ERLEC1: variants seen among roughly 807,000 people sequenced by gnomAD.
The protein encoded by ERLEC1 is ER lectin.
A neutral mutation model predicts 68.0 loss-of-function variants in ERLEC1; 47 were observed. The ratio of observed to expected loss-of-function variants is 0.69; its 90% confidence interval spans 0.55 to 0.88. The LOEUF (loss-of-function observed/expected upper bound fraction) is 0.88. Among genes scored for constraint, ERLEC1 ranks in the 40% least tolerant of loss-of-function variants. The pLI is 0.00. For synonymous variants in ERLEC1, 225 were observed against 203.2 expected (o/e 1.11, Z -0.91); for missense variants, 567 against 583.8 (o/e 0.97, Z 0.30).
intron 3 of ERLEC1, 150 bp from the exon 4 acceptor site, chr2:53,797,365 T>C: frequency 3.5e-6 from 2 of 576,554 alleles, no homozygotes; most frequent in Non-Finnish European, 6.0e-6. Context: ...CTTCAGAAAT[T>C]TCACATTTTT....
Position 53,818,539 on chromosome 2 carries a change from CAAG to C in ERLEC1, c.*573_*575del, listed in dbSNP as rs1418116525. On this transcript the variant is annotated 3_prime_UTR_variant, in exon 14 of 14. Transcript: ENST00000185150. The stretch of plus-strand genomic sequence containing the variant: ...GAGTTGTCCTCACCCTTGTTAATCT[CAAG>C]AAACTCTTATTTATAATAGGTTGCT... 2 of 152,196 alleles carry C rather than the reference CAAG, an allele frequency of 1.3e-5. No homozygotes were observed. The highest frequency in any genetic ancestry group is 2.9e-5 in the Non-Finnish European group (2 of 68,038). The allele number at this position is 152,196 out of a possible 1,614,324, so 9.4% of individuals were successfully genotyped here. A position where few individuals can be genotyped will look rare whatever the true frequency, so the allele number is the denominator to read the frequency against.
Position 53,817,883 on chromosome 2 carries a change from G to A in ERLEC1, c.1381-15G>A. 2 of 1,581,184 alleles carry A rather than the reference G, an allele frequency of 1.3e-6. No individual in the cohort carries two copies. The highest frequency in any genetic ancestry group is 8.7e-7 in the Non-Finnish European group (1 of 1,150,790). ...AGCTTAGCAACTTTTTAATGGCTTTGTTGTTCTTCTTTAGGTTGAATCTCC... is the reference window on the plus strand; with the variant it reads ...AGCTTAGCAACTTTTTAATGGCTTTATTGTTCTTCTTTAGGTTGAATCTCC... On this transcript the variant is annotated splice_polypyrimidine_tract_variant and intron_variant, in intron 13 of 13. Coordinates refer to ENST00000185150, the MANE Select transcript of ERLEC1 (RefSeq NM_015701.5).
In ERLEC1 at chr2:53,815,815, A is replaced by C. The variant is rs188394630; in HGVS notation, c.1380+880A>C. On this transcript the variant is annotated intron_variant, in intron 13 of 13. Transcript: ENST00000185150. The stretch of plus-strand genomic sequence containing the variant: ...ACTTTGTTACATCCATAGAATATGT[A>C]GTGATCCAGTCAGGGTATTCAGAAT... Among the ~76,000 whole-genome samples the C allele has an allele frequency of 7.3e-3, 1,117 of 152,254 alleles. 17 individuals are homozygous for C. Among genetic ancestry groups the C allele is most frequent in the African/African-American group, 0.026 (1,071 of 41,542 alleles).
chr2:53,799,920 A>T (rs1675917850), intron 6 of ERLEC1, among the ~76,000 whole-genome samples: 1 of 152,156 alleles, frequency 6.6e-6, no homozygotes, highest in Admixed American at 6.5e-5. Context: ...TCTGAAAGAC[A>T]GCAAAAGATG....
chr2:53,814,838 C>G (rs763113255), intron 12 of ERLEC1, 22 bp from the exon 13 acceptor site: 2 of 1,570,326 alleles, frequency 1.3e-6, no homozygotes, highest in Non-Finnish European at 1.7e-6. Flanking sequence ...TGGACAGTAC[C>G]TTAAAGTGCT....
chr2:53,787,125 G>GCCACCA lies in ERLEC1; in HGVS notation c.-84_-83insACCACC. On this transcript the variant is annotated 5_prime_UTR_variant, in exon 1 of 14. Coordinates refer to ENST00000185150, the MANE Select transcript of ERLEC1 (RefSeq NM_015701.5). ...TACCCGGGCGCTTTATAGTCCCGCC[G>GCCACCA]CCTCCTCCTCCACCTCCTCCTCCTC... is the stretch of plus-strand genomic sequence containing the variant. 1 of 661,226 alleles carries GCCACCA rather than the reference G, an allele frequency of 1.5e-6. No homozygotes were observed. The highest frequency in any genetic ancestry group is 2.2e-6 in the Non-Finnish European group (1 of 453,728). The allele number at this position is 661,226 out of a possible 1,614,324, so 41.0% of individuals were successfully genotyped here. A position where few individuals can be genotyped will look rare whatever the true frequency, so the allele number is the denominator to read the frequency against.
chr2:53,799,150 C>G, intron 6 of ERLEC1, 69 bp downstream of exon 6: 1 of 1,296,640 alleles, frequency 7.7e-7, no homozygotes, highest in Non-Finnish European at 1.1e-6. Context: ...TTATATAACC[C>G]AAGTGACAGA....
At chr2:53,810,804 T>G (rs561348723) in intron 10 of ERLEC1, among the ~76,000 whole-genome samples, 2 of 152,340 alleles carry the variant, frequency 1.3e-5, no homozygotes, top group South Asian at 4.1e-4. Context: ...AGAGGTTTCA[T>G]TTAAGTATTC....
At chr2:53,805,263 T>C (rs1277948150) in intron 8 of ERLEC1, among the ~76,000 whole-genome samples, 1 of 152,088 alleles carries the variant, frequency 6.6e-6, no homozygotes, top group Non-Finnish European at 1.5e-5. Flanking sequence ...CCTCAGATGA[T>C]CCACCCACCT....
Position 53,799,098 on chromosome 2 carries a change from G to T in ERLEC1, c.525+17G>T. ...TCAAATGAGGCAAGTGACAGATGTT[G>T]ATTTTTTTCCTCTTAACACTTATTG... is the stretch of plus-strand genomic sequence containing the variant. On this transcript the variant is annotated intron_variant, in intron 6 of 13. Transcript: ENST00000185150. 5 of 1,608,746 alleles carry T rather than the reference G, an allele frequency of 3.1e-6. No homozygotes were observed. The highest frequency in any genetic ancestry group is 4.2e-6 in the Non-Finnish European group (5 of 1,176,562).
chr2:53,795,823 C>T, intron 2 of ERLEC1, 110 bp from the exon 3 acceptor site: 4 of 685,352 alleles, frequency 5.8e-6, no homozygotes, highest in Middle Eastern at 2.9e-4. Flanking sequence ...ACTTTTTTTT[C>T]TCTTTTATTT....
Position 53,812,938 on chromosome 2 carries a change from T to A in ERLEC1, c.1102-11T>A. On this transcript the variant is annotated splice_polypyrimidine_tract_variant and intron_variant, in intron 10 of 13. Transcript: ENST00000185150. ...AAGCACGCATTATCACAAATTTTTTTCCCATATTAGGACAAGGATAGTGGG... is the reference window on the plus strand; with the variant it reads ...AAGCACGCATTATCACAAATTTTTTACCCATATTAGGACAAGGATAGTGGG... The A allele has an allele frequency of 1.3e-6, 2 of 1,598,122 alleles. No homozygotes were observed. Among genetic ancestry groups the A allele is most frequent in the Non-Finnish European group, 1.7e-6 (2 of 1,176,540 alleles).
chr2:53,801,330 C>G (rs1328845997), intron 6 of ERLEC1, 67 bp from the exon 7 acceptor site: 1 of 1,125,792 alleles, frequency 8.9e-7, no homozygotes, highest in Non-Finnish European at 1.3e-6. Context: ...ATAATAAGTT[C>G]CTCTCCCACC....
chr2:53,814,998 T>A, intron 13 of ERLEC1, 63 bp downstream of exon 13: 98 of 571,626 alleles, frequency 1.7e-4, no homozygotes, highest in Middle Eastern at 5.4e-4. Flanking sequence ...TTTTTTTCTT[T>A]TTTTTTTTTT....
chr2:53,806,366 C>T (rs1676296168), intron 8 of ERLEC1, among the ~76,000 whole-genome samples: 1 of 152,162 alleles, frequency 6.6e-6, no homozygotes, highest in African/African-American at 2.4e-5. Flanking sequence ...ATCTCAGCTG[C>T]AGGTTTCACT....
intron 1 of ERLEC1, among the ~76,000 whole-genome samples, chr2:53,791,516 T>G (rs1675391622): frequency 6.6e-6 from 1 of 152,222 alleles, no homozygotes; most frequent in East Asian, 1.9e-4. Context: ...GATAAACTTT[T>G]TCTCCGTAAT....
In ERLEC1 at chr2:53,818,304, T is replaced by C; in HGVS notation, c.*335T>C. 5.9e-6 allele frequency: 1 copy of C among 170,402 alleles called. No homozygotes were observed. The highest frequency in any genetic ancestry group is 1.3e-5 in the Non-Finnish European group (1 of 79,034). 10.6% of individuals were successfully genotyped at this position (170,402 alleles called of 1,614,324 possible). ...AATTGTTGTACCTATTGAAAGTTTT[T>C]AAATAATAGATTTATTATGTAAATT... On this transcript the variant is annotated 3_prime_UTR_variant, in exon 14 of 14. Transcript: ENST00000185150.
chr2:53,798,931 T>C, intron 5 of ERLEC1, 116 bp from the exon 6 acceptor site: 1 of 690,432 alleles, frequency 1.4e-6, no homozygotes, highest in South Asian at 3.2e-5. Context: ...AAAAATCATA[T>C]GTGTTTTGGA....
At chr2:53,793,670 C>G (rs537244812) in intron 1 of ERLEC1, among the ~76,000 whole-genome samples, 1 of 151,332 alleles carries the variant, frequency 6.6e-6, no homozygotes, top group African/African-American at 2.4e-5. Flanking sequence ...TGATCTTGAA[C>G]TCCTGGGCTA....
Sources: gnomAD v4.1 joint callset for allele counts (sites outside exome capture counted in the v4.1 genomes callset) on GRCh38, gnomAD v4.1.1 for gene constraint, MANE v1.5 for transcripts, NCBI Gene and HGNC (gene_info 2026-07-23, HGNC 2026-07-21) for gene names.